The following NHSL1 variants were observed in gnomAD, a reference collection of about 807,000 sequenced individuals.
NHSL1 encodes the protein NHS-like protein 1.
Under a neutral mutation model 95.0 loss-of-function variants are expected in NHSL1, and 48 were observed. The observed-to-expected ratio is 0.51, with a 90% CI of 0.40 to 0.64. The LOEUF is 0.64. Among genes scored for constraint, NHSL1 ranks in the 30% least tolerant of loss-of-function variants. The pLI is 0.00. For synonymous variants in NHSL1, 783 were observed against 833.9 expected (o/e 0.94, Z 1.05); for missense variants, 1,971 against 2,077.7 (o/e 0.95, Z 1.00).
chr6:138,624,515 A>T (rs1375044973), intron 1 of NHSL1, among the ~76,000 whole-genome samples: 1 of 151,896 alleles, frequency 6.6e-6, no homozygotes, highest in South Asian at 2.1e-4. Context: ...TACACACTAT[A>T]AAAAAAAGGA....
intron 1 of NHSL1, among the ~76,000 whole-genome samples, chr6:138,675,792 C>T (rs925290145): frequency 1.3e-5 from 2 of 152,088 alleles, no homozygotes; most frequent in African/African-American, 2.4e-5. Flanking sequence ...CTTTGGCTTC[C>T]CAAAGTGCTG....
At chr6:138,476,928 A>G (rs1035045970) in intron 2 of NHSL1, among the ~76,000 whole-genome samples, 1 of 151,146 alleles carries the variant, frequency 6.6e-6, no homozygotes, top group Non-Finnish European at 1.5e-5. Context: ...ATACCCATGT[A>G]ACAAACCTGC....
Position 138,424,004 on chromosome 6 carries a change from GGGCGCCTAGCA to G in NHSL1, c.*66_*76del. 1 of 1,273,508 alleles carries G rather than the reference GGGCGCCTAGCA, an allele frequency of 7.9e-7. No individual in the cohort carries two copies. Among genetic ancestry groups the G allele is most frequent in the Admixed American group, 3.6e-5 (1 of 27,526 alleles). 78.9% of individuals were successfully genotyped at this position (1,273,508 alleles called of 1,614,324 possible). On this transcript the variant is annotated 3_prime_UTR_variant, in exon 8 of 8. Coordinates refer to ENST00000343505, the MANE Select transcript of NHSL1 (RefSeq NM_001144060.2). This position sits in a 1 kb window ranked among gnomAD's most constrained non-coding sequence, Gnocchi z 5.9. Reference sequence around the variant, plus strand: ...TGGGCTCCCCGGGTGAGCCAGGGAAGGGCGCCTAGCAGGCTTCCTAGAGTGCTGCATTGCTC... The same window carrying G: ...TGGGCTCCCCGGGTGAGCCAGGGAAGGGCTTCCTAGAGTGCTGCATTGCTC...
chr6:138,456,497 G>A (rs547604121), intron 3 of NHSL1, among the ~76,000 whole-genome samples: 34 of 152,264 alleles, frequency 2.2e-4, no homozygotes, highest in Non-Finnish European at 4.6e-4. Context: ...TTTCTGTCAC[G>A]ACTATTAAAG....
intron 7 of NHSL1, among the ~76,000 whole-genome samples, chr6:138,426,239 G>A (rs1298674550): frequency 6.6e-6 from 1 of 152,210 alleles, no homozygotes; most frequent in Non-Finnish European, 1.5e-5. Flanking sequence ...GAAAGGTTGA[G>A]AGTATGATAT....
rs199950929 is a variant in NHSL1, at chr6:138,569,891, AC to A, written c.202+1818del. Among the ~76,000 whole-genome samples the A allele has an allele frequency of 2.9e-3, 446 of 152,072 alleles. 2 individuals carry two copies. Among genetic ancestry groups the A allele is most frequent in the African/African-American group, 0.01 (421 of 41,402 alleles). On this transcript the variant is annotated intron_variant, in intron 1 of 6. Transcript: ENST00000427025. ...CATGCCCAATTATTTAAAAAAAAAA[AC>A]ACATAAACTTACACCCTGTATTATG...
intron 4 of NHSL1, among the ~76,000 whole-genome samples, chr6:138,443,047 A>G (rs1245096400): frequency 1.4e-5 from 2 of 146,608 alleles, no homozygotes; most frequent in African/African-American, 5.5e-5. Flanking sequence ...ATATATATAC[A>G]TATATACACA....
At chr6:138,554,762 T>G (rs1390344408) in intron 1 of NHSL1, among the ~76,000 whole-genome samples, 1 of 152,214 alleles carries the variant, frequency 6.6e-6, no homozygotes, top group Non-Finnish European at 1.5e-5. Context: ...ACTATGGAAT[T>G]TCTATAAAAA....
chr6:138,548,305 G>A (rs1172761511), upstream of NHSL1, among the ~76,000 whole-genome samples: 2 of 152,148 alleles, frequency 1.3e-5, no homozygotes, highest in African/African-American at 4.8e-5. Flanking sequence ...TTTAAACAGA[G>A]ATGACTTTAT....
At chr6:138,578,354 A>T (rs2114478326) in intron 1 of NHSL1, among the ~76,000 whole-genome samples, 1 of 152,328 alleles carries the variant, frequency 6.6e-6, no homozygotes, top group East Asian at 1.9e-4. Flanking sequence ...GTGCAAGGGG[A>T]CAAAGGATGT....
intron 2 of NHSL1, among the ~76,000 whole-genome samples, chr6:138,483,555 G>C (rs1779549011): frequency 6.6e-6 from 1 of 152,172 alleles, no homozygotes; most frequent in South Asian, 2.1e-4. Flanking sequence ...CACTCCAGCT[G>C]CAACTGCAGG....
intron 1 of NHSL1, among the ~76,000 whole-genome samples, chr6:138,570,705 T>C (rs1783807605): frequency 6.6e-6 from 1 of 152,270 alleles, no homozygotes; most frequent in African/African-American, 2.4e-5. Context: ...TTTAACTTAG[T>C]TGATTCTCTC....
At chr6:138,646,807 C>T (rs1328750827) in intron 1 of NHSL1, among the ~76,000 whole-genome samples, 3 of 152,204 alleles carry the variant, frequency 2.0e-5, no homozygotes, top group Non-Finnish European at 4.4e-5. Context: ...CAGCTTACAA[C>T]CTGGTAAGAA....
chr6:138,642,486 T>C (rs1184996166), intron 1 of NHSL1, among the ~76,000 whole-genome samples: 5 of 152,128 alleles, frequency 3.3e-5, no homozygotes, highest in Non-Finnish European at 7.4e-5. Context: ...GCATGTGAAA[T>C]GTACAGTGTT....
At chr6:138,511,150 G>A (rs921343439) in intron 1 of NHSL1, among the ~76,000 whole-genome samples, 4 of 152,200 alleles carry the variant, frequency 2.6e-5, no homozygotes, top group African/African-American at 9.7e-5. Context: ...GCATCATGGA[G>A]GCTTGGAACA....
chr6:138,650,423 G>A, intron 1 of NHSL1: 1 of 1,421,166 alleles, frequency 7.0e-7, no homozygotes, highest in South Asian at 1.1e-5. Context: ...AGGTCAGCAT[G>A]CTCACTGCAA....
chr6:138,433,343 A>T lies in NHSL1; in HGVS notation c.1002T>A (p.Ile334=), dbSNP rs771646985. The change falls in exon 6 of 8, where the codon ATT becomes ATA. Residue 334 remains isoleucine (I), a synonymous_variant. Transcript: ENST00000343505. Reference sequence around the variant, plus strand: ...CACCCAGCCTCGGCTCAAGGGACTGAATGTTTGCCCTTGCTCCAGAACGCG... The same window carrying T: ...CACCCAGCCTCGGCTCAAGGGACTGTATGTTTGCCCTTGCTCCAGAACGCG... ...SLPRSGARAN[I]QSLEPRLGAL... is the part of the protein sequence containing the mutation. 1.3e-6 allele frequency: 2 copies of T among 1,552,036 alleles called. No individual in the cohort carries two copies. Among genetic ancestry groups the T allele is most frequent in the Non-Finnish European group, 1.7e-6 (2 of 1,147,050 alleles).
Position 138,433,275 on chromosome 6 carries a change from T to C in NHSL1, c.1070A>G (p.Gln357Arg). Residue 357 changes from glutamine (Q) to arginine (R), a missense_variant, in exon 6 of 8, where the codon CAG (glutamine) becomes CGG (arginine). Transcript: ENST00000343505. ...TTCATCTGCTTGTGGGTGACCTCTC[T>C]GGTAGAGGAAAGTGCCATTCATGTC... ...AGDMNGTFLY[Q>R]RGHPQADENL... 2 of 1,551,568 alleles carry C rather than the reference T, an allele frequency of 1.3e-6. No homozygotes were observed. Among genetic ancestry groups the C allele is most frequent in the East Asian group, 2.4e-5 (1 of 40,868 alleles).
intron 3 of NHSL1, among the ~76,000 whole-genome samples, chr6:138,450,038 G>T (rs1247857798): frequency 6.6e-6 from 1 of 152,110 alleles, no homozygotes; most frequent in Non-Finnish European, 1.5e-5. Flanking sequence ...TGGTTAAAAG[G>T]GTTAAAACTC....
Sources: allele counts gnomAD v4.1 joint callset (sites outside exome capture counted in the v4.1 genomes callset), GRCh38; gene constraint gnomAD v4.1.1; non-coding constraint Gnocchi (gnomAD v3.1); transcripts MANE v1.5; gene names NCBI Gene and HGNC (gene_info 2026-07-23, HGNC 2026-07-21).